Variants in MMP28 observed in about 807,000 individuals in gnomAD.
The protein encoded by MMP28 is matrix metallopeptidase 28, also known as matrix metalloproteinase-28.
A neutral mutation model predicts 60.5 loss-of-function variants in MMP28; 55 were observed. The observed-to-expected ratio is 0.91, with a 90% CI of 0.73 to 1.14. The LOEUF (loss-of-function observed/expected upper bound fraction) is 1.14. Ranked by LOEUF, MMP28 falls within the 50% of genes most tolerant of loss-of-function variation. The pLI is 0.00. For missense variants in MMP28, 686 were observed against 738.3 expected, an observed-to-expected ratio of 0.93 and a Z score of 0.82; for synonymous variants, 318 against 312.5, an observed-to-expected ratio of 1.02 and a Z score of -0.18.
At chr17:35,773,731 T>G (rs2086242807) in intron 3 of MMP28, among the ~76,000 whole-genome samples, 1 of 152,178 alleles carries the variant, frequency 6.6e-6, no homozygotes, top group African/African-American at 2.4e-5. Flanking sequence ...GAACCCTTGG[T>G]CTAGGGTCTT....
At chr17:35,768,531 G>T (rs571809011) in intron 5 of MMP28, among the ~76,000 whole-genome samples, 152 bp from the exon 6 acceptor site, 1 of 152,278 alleles carries the variant, frequency 6.6e-6, no homozygotes, top group Admixed American at 6.5e-5. Flanking sequence ...TTGTTCCTGG[G>T]CCAGGAATGG....
chr17:35,779,304 C>A lies in MMP28; in HGVS notation c.131G>T (p.Gly44Val), dbSNP rs552076033. ...KEAEAFLEKY[G>V]YLNEQVPKAP... ...TTTGGGGACCTGTTCATTGAGGTATCCGTACTTCTCTAGGAATGCCTGCGG... is the reference window on the plus strand; with the variant it reads ...TTTGGGGACCTGTTCATTGAGGTATACGTACTTCTCTAGGAATGCCTGCGG... The change falls in exon 2 of 8, where the codon GGA becomes GTA. Residue 44 changes from glycine (G) to valine (V), a missense_variant. Coordinates refer to ENST00000605424, the MANE Select transcript of MMP28 (RefSeq NM_024302.5). 3.1e-6 allele frequency: 5 copies of A among 1,612,986 alleles called. No homozygotes were observed. In the African/African-American group the frequency reaches 5.3e-5, roughly 17 times the overall value.
Position 35,770,255 on chromosome 17 carries a change from T to C in MMP28, c.662A>G (p.Asp221Gly), listed in dbSNP as rs751603102. 6.3e-7 allele frequency: 1 copy of C among 1,584,372 alleles called. No individual in the cohort carries two copies. The highest frequency in any genetic ancestry group is 8.5e-7 in the Non-Finnish European group (1 of 1,172,284). ...PRRGEAHFDQ[D>G]ERWSLSRRRG... ...GCGGCGGCTCAGGGACCAGCGCTCA[T>C]CTTGGTCGAAGTGCGCTTCGCCGCG... Residue 221 changes from aspartate (D) to glycine (G), a missense_variant, in exon 5 of 8, where the codon GAT becomes GGT. Asp to Gly is a moderately conservative substitution (Grantham distance 94). Transcript: ENST00000605424.
chr17:35,766,537 C>G lies in MMP28; in HGVS notation c.1526G>C (p.Gly509Ala), dbSNP rs1366940211. 1.2e-6 allele frequency: 2 copies of G among 1,603,046 alleles called. No individual in the cohort carries two copies. Among genetic ancestry groups the G allele is most frequent in the African/African-American group, 2.7e-5 (2 of 74,786 alleles). Residue 509 changes from glycine to alanine, a missense_variant, in exon 8 of 8, where the codon GGC (glycine) becomes GCC (alanine). Transcript: ENST00000605424. The surrounding 1 kb of genome is among the most constrained non-coding windows in gnomAD (Gnocchi z 4.3). ...GRWATELPWM[G>A]CWHANSGSAL... ...GCTCCCCGAGTTGGCATGCCAGCAG[C>G]CCATCCAGGGCAGCTCGGTGGCCCA...
Position 35,778,698 on chromosome 17 carries a change from T to TA in MMP28, c.379+189_379+190insT. On this transcript the variant is annotated intron_variant, in intron 3 of 7. Coordinates refer to ENST00000605424, the MANE Select transcript of MMP28 (RefSeq NM_024302.5). ...CAATGAAAATTCATCAATGTAGGTG[T>TA]CATTCTGAATTAAATGTCTGTATTC... 3.8e-6 allele frequency: 5 copies of TA among 1,311,268 alleles called. No homozygotes were observed. In the South Asian group the frequency reaches 4.6e-5, roughly 12 times the overall value. 81.2% of individuals were successfully genotyped at this position (1,311,268 alleles called of 1,614,324 possible). A position where few individuals can be genotyped will look rare whatever the true frequency, so the allele number is the denominator to read the frequency against.
chr17:35,764,604 G>T (rs199950029), downstream of MMP28: 234 of 1,584,388 alleles, frequency 1.5e-4, 1 homozygote, highest in Middle Eastern at 6.8e-4. Context: ...GGCGGGGGCC[G>T]CTGGGAACTC....
rs1244196176 is a variant in MMP28, at chr17:35,773,285, C to A, written c.499G>T (p.Ala167Ser). 15 of 1,613,876 alleles carry A rather than the reference C, an allele frequency of 9.3e-6. No homozygotes were observed. Among genetic ancestry groups the A allele is most frequent in the Non-Finnish European group, 1.3e-5 (15 of 1,179,878 alleles). Residue 167 changes from alanine to serine, a missense_variant, in exon 4 of 8, where the codon GCG (alanine) becomes TCG (serine). By Grantham distance (99) the Ala-to-Ser change is moderately conservative. Coordinates refer to ENST00000605424, the MANE Select transcript of MMP28 (RefSeq NM_024302.5). ...GCTGGGGCCTCCCAGAACTCCAGCG[C>A]TGAGACGTTGCTCCACAACTGGAAG... is the stretch of plus-strand genomic sequence containing the variant. ...AAFQLWSNVS[A>S]LEFWEAPATG...
At chr17:35,793,156 A>G (rs1305209600) in intron 1 of MMP28, among the ~76,000 whole-genome samples, 2 of 152,136 alleles carry the variant, frequency 1.3e-5, no homozygotes, top group Non-Finnish European at 2.9e-5. Context: ...CTTTTAAAAT[A>G]TTTTCTTGTT....
At chr17:35,756,274 C>T in exon 3 of MMP28, 2 of 389,156 alleles carry the variant, frequency 5.1e-6, no homozygotes, top group Non-Finnish European at 7.0e-6. Context: ...GTTTATTTCC[C>T]TCTCTTAGAG....
At chr17:35,794,922 G>T (rs1459539966) in intron 1 of MMP28, among the ~76,000 whole-genome samples, 3 of 152,182 alleles carry the variant, frequency 2.0e-5, no homozygotes, top group Non-Finnish European at 2.9e-5. Flanking sequence ...CACGGTTCGG[G>T]GGCATCCGAC....
At chr17:35,771,567 T>A (rs2143275439) in intron 4 of MMP28, among the ~76,000 whole-genome samples, 1 of 149,884 alleles carries the variant, frequency 6.7e-6, no homozygotes, top group South Asian at 2.1e-4. Flanking sequence ...GTATGAAAGT[T>A]CATCAGGCTA....
Position 35,767,775 on chromosome 17 carries a change from T to A in MMP28, c.1145A>T (p.Asp382Val), listed in dbSNP as rs762583584. 6 of 1,571,498 alleles carry A rather than the reference T, an allele frequency of 3.8e-6. No individual in the cohort carries two copies. In the South Asian group the frequency reaches 7.0e-5, roughly 18 times the overall value. ...ACCTTTGAAGAAGTAGAAATCTCCA[T>A]CATTCAATGACACTGCCGCAGCCTC... ...NIEAAAVSLN[D>V]GDFYFFKGGR... The change falls in exon 7 of 8, where the codon GAT (aspartate) becomes GTT (valine). Residue 382 changes from aspartate (D) to valine (V), a missense_variant. Physicochemically the swap from Asp to Val is radical, Grantham distance 152 (BLOSUM62 -3). Transcript: ENST00000605424.
Position 35,766,285 on chromosome 17 carries a change from A to T in MMP28, c.*215T>A, listed in dbSNP as rs1555603084. ...CTGGGACCCTTTTTTGCTTTTCCTA[A>T]GATTGATCCCACCCCCACCTCCATG... On this transcript the variant is annotated 3_prime_UTR_variant, in exon 8 of 8. Transcript: ENST00000605424. This position sits in a 1 kb window ranked among gnomAD's most constrained non-coding sequence, Gnocchi z 4.3. 1 of 1,349,380 alleles carries T rather than the reference A, an allele frequency of 7.4e-7. No individual in the cohort carries two copies. Among genetic ancestry groups the T allele is most frequent in the Non-Finnish European group, 9.5e-7 (1 of 1,051,932 alleles). The allele number at this position is 1,349,380 out of a possible 1,614,324, so 83.6% of individuals were successfully genotyped here. A position where few individuals can be genotyped will look rare whatever the true frequency, so the allele number is the denominator to read the frequency against.
At chr17:35,777,061 C>T (rs1346325722) in intron 3 of MMP28, among the ~76,000 whole-genome samples, 5 of 152,206 alleles carry the variant, frequency 3.3e-5, no homozygotes, top group African/African-American at 4.8e-5. Flanking sequence ...CCCCACTTTC[C>T]ACTGCATTCT....
intron 3 of MMP28, among the ~76,000 whole-genome samples, chr17:35,777,981 T>C (rs530604030): frequency 1.3e-5 from 2 of 152,302 alleles, no homozygotes; most frequent in East Asian, 3.9e-4. Flanking sequence ...TGAGCTGAGA[T>C]TGCGCCACTG....
intron 3 of MMP28, among the ~76,000 whole-genome samples, chr17:35,776,391 G>T (rs548302475): frequency 2.6e-5 from 4 of 151,468 alleles, no homozygotes; most frequent in Non-Finnish European, 5.9e-5. Flanking sequence ...GGCCAGGCTG[G>T]TCTCAAACTC....
At chr17:35,773,519 G>A (rs1327906039) in intron 3 of MMP28, 115 bp from the exon 4 acceptor site, 32 of 933,942 alleles carry the variant, frequency 3.4e-5, no homozygotes, top group East Asian at 2.6e-5. Context: ...CTCGTCTGAC[G>A]GGGAAGACAC....
intron 1 of MMP28, among the ~76,000 whole-genome samples, chr17:35,791,787 A>G (rs1366352739): frequency 6.6e-6 from 1 of 152,090 alleles, no homozygotes; most frequent in Non-Finnish European, 1.5e-5. Context: ...CCTGTTCTCA[A>G]TCACATAGCA....
chr17:35,769,530 GGGCAGTAGCACT>G (rs2086052501), intron 5 of MMP28, among the ~76,000 whole-genome samples: 1 of 152,182 alleles, frequency 6.6e-6, no homozygotes, highest in Admixed American at 6.5e-5. Flanking sequence ...ATAGATCCCA[GGGCAGTAGCACT>G]GGCCCACCCT....
Sources: allele counts gnomAD v4.1 joint callset (sites outside exome capture counted in the v4.1 genomes callset), GRCh38; gene constraint gnomAD v4.1.1; non-coding constraint Gnocchi (gnomAD v3.1); transcripts MANE v1.5; gene names NCBI Gene and HGNC (gene_info 2026-07-23, HGNC 2026-07-21).